DENND1C: variants seen among roughly 807,000 people sequenced by gnomAD.
DENND1C encodes the protein DENN domain-containing protein 1C.
In DENND1C, 64 loss-of-function variants were observed where a neutral mutation model predicts 87.9. The observed-to-expected ratio is 0.73, with a 90% CI of 0.60 to 0.90. DENND1C has a LOEUF of 0.90. Ranked by LOEUF, DENND1C falls within the 40% of genes least tolerant of loss-of-function variation. The probability of loss-of-function intolerance (pLI) is 0.00; values close to 1 mark genes in which losing one functional copy is unlikely to be tolerated. For missense variants in DENND1C, 980 were observed against 1,037.0 expected, an observed-to-expected ratio of 0.95 and a Z score of 0.76; for synonymous variants, 384 against 424.4, an observed-to-expected ratio of 0.90 and a Z score of 1.17.
At position 6,468,226 on chromosome 19, in the gene DENND1C, G is replaced by T; in HGVS notation, c.1791+8C>A. The T allele has an allele frequency of 6.2e-7, 1 of 1,613,054 alleles. No homozygotes were observed. Among genetic ancestry groups the T allele is most frequent in the Non-Finnish European group, 8.5e-7 (1 of 1,179,480 alleles). On this transcript the variant is annotated splice_region_variant and intron_variant, in intron 22 of 22. Coordinates refer to ENST00000381480, the MANE Select transcript of DENND1C (RefSeq NM_024898.4). ...GGGTAGGGTTGGGGGAGTGGGCGAG[G>T]CTCTCACCAGGCTGAAGCAGCTGTC...
Position 6,468,589 on chromosome 19 carries a change from G to A in DENND1C, c.1572C>T (p.Pro524=), listed in dbSNP as rs920564337. 2.0e-6 allele frequency: 3 copies of A among 1,530,860 alleles called. No homozygotes were observed. Among genetic ancestry groups the A allele is most frequent in the Non-Finnish European group, 2.6e-6 (3 of 1,140,828 alleles). 94.8% of individuals were successfully genotyped at this position (1,530,860 alleles called of 1,614,324 possible). A position where few individuals can be genotyped will look rare whatever the true frequency, so the allele number is the denominator to read the frequency against. Residue 524 remains proline (P), a synonymous_variant, in exon 21 of 23, where the codon CCC becomes CCT. Coordinates refer to ENST00000381480, the MANE Select transcript of DENND1C (RefSeq NM_024898.4). ...RRQLEEGTSE[P]PGAGTPPLSP... ...CCTTTTTGCCTTACCCCGCCCCTGG[G>A]GGCTCGGAAGTTCCCTCTTCCAGCT...
intron 14 of DENND1C, among the ~76,000 whole-genome samples, chr19:6,474,848 C>G (rs540227609): frequency 6.6e-6 from 1 of 152,144 alleles, no homozygotes; most frequent in East Asian, 1.9e-4. Flanking sequence ...GCGGGCAGAT[C>G]ACCTGAGGTC....
rs1439935503 is a variant in DENND1C, at chr19:6,471,252, C to G, written c.1290+13G>C. The G allele has an allele frequency of 6.3e-7, 1 of 1,580,476 alleles. No individual in the cohort carries two copies. Among genetic ancestry groups the G allele is most frequent in the Non-Finnish European group, 8.6e-7 (1 of 1,162,758 alleles). On this transcript the variant is annotated intron_variant, in intron 17 of 22. Transcript: ENST00000381480. ...AAGCCAACGCCCACGGCCTATTGTTCTGGTGGTCTTACCTTTAGATTGTCG... is the reference window on the plus strand; with the variant it reads ...AAGCCAACGCCCACGGCCTATTGTTGTGGTGGTCTTACCTTTAGATTGTCG...
rs913774136 is a variant in DENND1C at position 6,468,733 on chromosome 19, G to A, written c.1516-88C>T. ...GGAGAAGGGTGAGTGTGAAGTGGGT[G>A]CCACATATTTGGGGAGTTGAAGAAG... On this transcript the variant is annotated intron_variant, in intron 20 of 22. Transcript: ENST00000381480. 5.1e-6 allele frequency: 7 copies of A among 1,366,972 alleles called. No homozygotes were observed. The African/African-American group carries it at 1.0e-4, about 20-fold the overall frequency. The allele number at this position is 1,366,972 out of a possible 1,614,324, so 84.7% of individuals were successfully genotyped here. A position where few individuals can be genotyped will look rare whatever the true frequency, so the allele number is the denominator to read the frequency against.
intron 15 of DENND1C, among the ~76,000 whole-genome samples, chr19:6,472,576 A>G (rs1450864421): frequency 6.6e-6 from 1 of 152,152 alleles, no homozygotes; most frequent in Non-Finnish European, 1.5e-5. Flanking sequence ...TTTTTAGTAG[A>G]GATGGGGTTT....
At chr19:6,472,144 A>C (rs1214159945) in intron 15 of DENND1C, among the ~76,000 whole-genome samples, 1 of 152,106 alleles carries the variant, frequency 6.6e-6, no homozygotes, top group African/African-American at 2.4e-5. Context: ...ACCTTCTCCC[A>C]GGGGCCTAGA....
intron 15 of DENND1C, among the ~76,000 whole-genome samples, chr19:6,471,997 G>A (rs1266690014): frequency 2.0e-5 from 3 of 152,144 alleles, no homozygotes; most frequent in African/African-American, 7.2e-5. Flanking sequence ...CCCGAGTCAG[G>A]ACCTGTCCCC....
chr19:6,473,978 T>C (rs1357007710), intron 14 of DENND1C, among the ~76,000 whole-genome samples: 1 of 152,062 alleles, frequency 6.6e-6, no homozygotes, highest in Non-Finnish European at 1.5e-5. Context: ...ATGGATCACC[T>C]GAGGTCTGGA....
chr19:6,473,683 C>T (rs2092842633), intron 14 of DENND1C, among the ~76,000 whole-genome samples: 1 of 151,744 alleles, frequency 6.6e-6, no homozygotes, highest in Non-Finnish European at 1.5e-5. Flanking sequence ...GTTTCCCAGG[C>T]TGGTCCAAAC....
chr19:6,475,828 C>T lies in DENND1C; in HGVS notation c.779+9G>A, dbSNP rs372602761. 1 of 1,523,660 alleles carries T rather than the reference C, an allele frequency of 6.6e-7. No individual in the cohort carries two copies. The highest frequency in any genetic ancestry group is 8.8e-7 in the Non-Finnish European group (1 of 1,136,096). 94.4% of individuals were successfully genotyped at this position (1,523,660 alleles called of 1,614,324 possible). ...ACAGGCCCTGCCCCTCCCAGCTGCC[C>T]TCGCTCACCAGCAGTAGTCCAGCAG... On this transcript the variant is annotated intron_variant, in intron 11 of 22. Transcript: ENST00000381480.
At chr19:6,469,840 C>A (rs2092817959) in intron 18 of DENND1C, 200 bp from the exon 19 acceptor site, 2 of 583,196 alleles carry the variant, frequency 3.4e-6, no homozygotes, top group East Asian at 2.9e-5. Flanking sequence ...TTCCTGGAGG[C>A]AGTCATCCCC....
In DENND1C at chr19:6,473,097, T is replaced by C. The variant is rs549240173; in HGVS notation, c.1054-104A>G. On this transcript the variant is annotated intron_variant, in intron 14 of 22. Coordinates refer to ENST00000381480, the MANE Select transcript of DENND1C (RefSeq NM_024898.4). ...ACATTGATTAGGCACTTGCTGTGTG[T>C]CTGATCCTGTGTGGGGCCTCATGGA... 717 of 806,256 alleles carry C rather than the reference T, an allele frequency of 8.9e-4. 3 individuals carry two copies. The highest frequency in any genetic ancestry group is 8.3e-4 in the Non-Finnish European group (460 of 556,566). The allele number at this position is 806,256 out of a possible 1,614,324, so 49.9% of individuals were successfully genotyped here.
chr19:6,481,649 C>T, intron 1 of DENND1C, 30 bp downstream of exon 1: 1 of 1,612,266 alleles, frequency 6.2e-7, no homozygotes, highest in Non-Finnish European at 8.5e-7. Flanking sequence ...GAATCTTGTA[C>T]CAGAGAATGA....
At chr19:6,472,212 C>A (rs1411360019) in intron 15 of DENND1C, among the ~76,000 whole-genome samples, 2 of 109,358 alleles carry the variant, frequency 1.8e-5, no homozygotes, top group East Asian at 6.4e-4. Context: ...CTCAGGAAAT[C>A]CTGGGATTTC....
At chr19:6,476,539 GTCCCTGGA>G (rs2092861678) in intron 10 of DENND1C, 2 of 265,046 alleles carry the variant, frequency 7.5e-6, no homozygotes, top group Non-Finnish European at 1.4e-5. Flanking sequence ...GGGTCCCTGG[GTCCCTGGA>G]TTCCCACGTG....
rs867377440 is a variant in DENND1C, at chr19:6,468,622, C to A, written c.1539G>T (p.Arg513Ser). The change falls in exon 21 of 23, where the codon AGG becomes AGT. Residue 513 changes from arginine (R) to serine (S), a missense_variant. By Grantham distance (110) the Arg-to-Ser change is moderately radical (BLOSUM62 -1). Coordinates refer to ENST00000381480, the MANE Select transcript of DENND1C (RefSeq NM_024898.4). ...AAGTTCCCTCTTCCAGCTGGCGTCTCCTGCTGGGGCGAAGGGGCCGGTTCT... is the reference window on the plus strand; with the variant it reads ...AAGTTCCCTCTTCCAGCTGGCGTCTACTGCTGGGGCGAAGGGGCCGGTTCT... ...FGKNRPLRPS[R>S]RRQLEEGTSE... The A allele has an allele frequency of 6.7e-7, 1 of 1,497,904 alleles. No individual in the cohort carries two copies. The highest frequency in any genetic ancestry group is 8.9e-7 in the Non-Finnish European group (1 of 1,126,914). 92.8% of individuals were successfully genotyped at this position (1,497,904 alleles called of 1,614,324 possible).
intron 16 of DENND1C, 46 bp from the exon 17 acceptor site, chr19:6,471,351 C>T (rs1470405573): frequency 3.1e-6 from 5 of 1,590,420 alleles, no homozygotes; most frequent in Non-Finnish European, 4.3e-6. Flanking sequence ...CTGGCTGAGG[C>T]TGGGGGTGCT....
chr19:6,480,094 G>A, intron 1 of DENND1C, 43 bp from the exon 2 acceptor site: 1 of 1,574,730 alleles, frequency 6.4e-7, no homozygotes, highest in African/African-American at 1.3e-5. Flanking sequence ...TTCTATGCAT[G>A]TGTGGTTGTG....
At position 6,468,623 on chromosome 19, in the gene DENND1C, C is replaced by A. The variant is rs866837181; in HGVS notation, c.1538G>T (p.Arg513Met). 1 of 1,498,104 alleles carries A rather than the reference C, an allele frequency of 6.7e-7. No homozygotes were observed. The highest frequency in any genetic ancestry group is 8.9e-7 in the Non-Finnish European group (1 of 1,127,038). The allele number at this position is 1,498,104 out of a possible 1,614,324, so 92.8% of individuals were successfully genotyped here. Residue 513 changes from arginine (R) to methionine (M), a missense_variant, in exon 21 of 23, where the codon AGG becomes ATG. By Grantham distance (91) the Arg-to-Met change is moderately conservative. Transcript: ENST00000381480. ...AGTTCCCTCTTCCAGCTGGCGTCTC[C>A]TGCTGGGGCGAAGGGGCCGGTTCTG... ...FGKNRPLRPS[R>M]RRQLEEGTSE...
Sources: allele counts gnomAD v4.1 joint callset (sites outside exome capture counted in the v4.1 genomes callset), GRCh38; gene constraint gnomAD v4.1.1; transcripts MANE v1.5; gene names NCBI Gene and HGNC (gene_info 2026-07-23, HGNC 2026-07-21).